Variants in RPP14 observed in about 807,000 individuals in gnomAD.
The protein encoded by RPP14 is ribonuclease P/MRP subunit p14.
In RPP14, 19 loss-of-function variants were observed where a neutral mutation model predicts 17.8. That is an observed-to-expected ratio of 1.07 (90% confidence interval 0.74 to 1.57). The LOEUF (loss-of-function observed/expected upper bound fraction) is 1.57. RPP14 is among the 40% of genes most tolerant of loss of function. RPP14 has a pLI of 0.00. For missense variants in RPP14, 125 were observed against 140.8 expected, an observed-to-expected ratio of 0.89 and a Z score of 0.57; for synonymous variants, 60 against 56.4, an observed-to-expected ratio of 1.06 and a Z score of -0.29.
intron 2 of RPP14, 25 bp from the exon 3 acceptor site, chr3:58,310,481 AC>A: frequency 1.9e-6 from 3 of 1,544,646 alleles, no homozygotes; most frequent in South Asian, 1.2e-5. Flanking sequence ...ATTTAATATG[AC>A]TTTTTTTTTT....
intron 3 of RPP14, among the ~76,000 whole-genome samples, chr3:58,313,900 C>T (rs772891863): frequency 3.3e-5 from 5 of 151,820 alleles, no homozygotes; most frequent in Non-Finnish European, 7.4e-5. Flanking sequence ...ATATAAATGA[C>T]ATTTGGCCTG....
chr3:58,307,861 A>C (rs1249062924), intron 1 of RPP14: 2 of 142,268 alleles, frequency 1.4e-5, no homozygotes, highest in East Asian at 5.8e-4. Context: ...TGTCATTTGT[A>C]AGTCTTTTTT....
At chr3:58,313,116 G>A (rs71311852) in intron 3 of RPP14, among the ~76,000 whole-genome samples, 10,562 of 151,920 alleles carry the variant, frequency 0.07, 474 homozygotes, top group Middle Eastern at 0.088. Context: ...ACAAAAAGCC[G>A]GGCGCAGCGG....
At chr3:58,314,675 ATTTTTTTTTTTTT>A (rs751757663) in intron 3 of RPP14, among the ~76,000 whole-genome samples, 1 of 90,560 alleles carries the variant, frequency 1.1e-5, no homozygotes, top group Non-Finnish European at 1.9e-5. Context: ...GTTTGGCAGT[ATTTTTTTTTTTTT>A]TTTTTTTTTT....
At chr3:58,314,784 A>G (rs1212636741) in intron 3 of RPP14, among the ~76,000 whole-genome samples, 1 of 143,900 alleles carries the variant, frequency 6.9e-6, no homozygotes, top group Non-Finnish European at 1.5e-5. Flanking sequence ...TCCCAGGTTC[A>G]GGCGATTCTC....
intron 1 of RPP14, chr3:58,307,951 A>G (rs948518474): frequency 6.6e-6 from 1 of 151,868 alleles, no homozygotes; most frequent in East Asian, 1.9e-4. Flanking sequence ...CTGTGCAGCC[A>G]TCACCACTGT....
At chr3:58,312,334 A>ACCCCCCCCCCCCCC (rs76719108) in intron 3 of RPP14, among the ~76,000 whole-genome samples, 4 of 69,662 alleles carry the variant, frequency 5.7e-5, no homozygotes, top group Admixed American at 1.7e-4. Context: ...CAACCTCCGC[A>ACCCCCCCCCCCCCC]CCCCCCCCCG....
chr3:58,313,007 T>C (rs1187137230), intron 3 of RPP14, among the ~76,000 whole-genome samples: 1 of 142,212 alleles, frequency 7.0e-6, no homozygotes, highest in Non-Finnish European at 1.5e-5. Flanking sequence ...CTCACGCCTG[T>C]AATCCTAGCA....
intron 3 of RPP14, among the ~76,000 whole-genome samples, chr3:58,314,127 G>C (rs2097485348): frequency 6.6e-6 from 1 of 152,162 alleles, no homozygotes; most frequent in South Asian, 2.1e-4. Context: ...GAGGTGGGTT[G>C]ATTGCCTGAG....
chr3:58,317,301 G>A (rs547962572), intron 5 of RPP14, 139 bp from the exon 6 acceptor site: 12 of 629,134 alleles, frequency 1.9e-5, no homozygotes, highest in South Asian at 6.2e-5. Flanking sequence ...ACTTGTTATC[G>A]AAGGCTTCCT....
rs371177061 is a variant in RPP14, at chr3:58,317,673, T to C, written c.*177T>C. ...GGGGTGGGCTTCGGAGGACAGTCTG[T>C]CTGAACCTGCCAGTGCTGACCCTGC... On this transcript the variant is annotated 3_prime_UTR_variant, in exon 6 of 6. Transcript: ENST00000295959. 12 of 706,350 alleles carry C rather than the reference T, an allele frequency of 1.7e-5. No homozygotes were observed. The African/African-American group carries it at 1.7e-4, about 10-fold the overall frequency. 43.8% of individuals were successfully genotyped at this position (706,350 alleles called of 1,614,324 possible). A position where few individuals can be genotyped will look rare whatever the true frequency, so the allele number is the denominator to read the frequency against.
chr3:58,319,918 A>G lies in RPP14; in HGVS notation c.*2422A>G, dbSNP rs2097492745. On this transcript the variant is annotated 3_prime_UTR_variant, in exon 6 of 6. Transcript: ENST00000295959. The stretch of plus-strand genomic sequence containing the variant: ...TCCACAAAGTTGTACAACCATCACC[A>G]AATCAATTTTTTATAGCATTTTTCA... 1.3e-5 allele frequency: 2 copies of G among 152,154 alleles called. No homozygotes were observed. The highest frequency in any genetic ancestry group is 4.1e-4 in the South Asian group (2 of 4,830). 9.4% of individuals were successfully genotyped at this position (152,154 alleles called of 1,614,324 possible). A position where few individuals can be genotyped will look rare whatever the true frequency, so the allele number is the denominator to read the frequency against.
At chr3:58,314,675 A>ATTTTTTTTTTTTTTTTTTTTTTTTTTTT (rs751757663) in intron 3 of RPP14, among the ~76,000 whole-genome samples, 6 of 90,560 alleles carry the variant, frequency 6.6e-5, no homozygotes, top group South Asian at 4.5e-4. Flanking sequence ...GTTTGGCAGT[A>ATTTTTTTTTTTTTTTTTTTTTTTTTTTT]TTTTTTTTTT....
chr3:58,314,555 A>G (rs13080398), intron 3 of RPP14, among the ~76,000 whole-genome samples: 10,675 of 152,188 alleles, frequency 0.07, 495 homozygotes, highest in South Asian at 0.1. Context: ...ACCTAGCAGA[A>G]TGACTGAAAT....
intron 1 of RPP14, among the ~76,000 whole-genome samples, chr3:58,308,893 T>C (rs902950208): frequency 1.2e-4 from 18 of 152,160 alleles, no homozygotes; most frequent in Non-Finnish European, 2.5e-4. Context: ...GAAGGATGAA[T>C]AGGACCTATC....
At chr3:58,307,017 G>C (rs528455189) in intron 1 of RPP14, among the ~76,000 whole-genome samples, 1 of 152,256 alleles carries the variant, frequency 6.6e-6, no homozygotes, top group Non-Finnish European at 1.5e-5. Context: ...AGCCAGGAAG[G>C]GGGCAAGGGT....
Position 58,320,102 on chromosome 3 carries a change from T to C in RPP14, c.*2606T>C, listed in dbSNP as rs183382661. ...TCCTTTGGAACTGGCTTCTTTGATATAGCATGTTTTCAGGGTTCATCCATG... is the reference window on the plus strand; with the variant it reads ...TCCTTTGGAACTGGCTTCTTTGATACAGCATGTTTTCAGGGTTCATCCATG... On this transcript the variant is annotated 3_prime_UTR_variant, in exon 6 of 6. Transcript: ENST00000295959. 3.9e-5 allele frequency: 6 copies of C among 152,280 alleles called. No individual in the cohort carries two copies. Among genetic ancestry groups the C allele is most frequent in the South Asian group, 2.1e-4 (1 of 4,830 alleles). The allele number at this position is 152,280 out of a possible 1,614,324, so 9.4% of individuals were successfully genotyped here. A position where few individuals can be genotyped will look rare whatever the true frequency, so the allele number is the denominator to read the frequency against.
At chr3:58,307,609 C>T (rs944346013) in intron 1 of RPP14, among the ~76,000 whole-genome samples, 14 of 152,134 alleles carry the variant, frequency 9.2e-5, no homozygotes, top group Admixed American at 7.9e-4. Flanking sequence ...GCCTGTAATC[C>T]CAGCTACTCA....
At chr3:58,310,145 T>C (rs1575543255) in intron 1 of RPP14, 164 bp from the exon 2 acceptor site, 4 of 591,174 alleles carry the variant, frequency 6.8e-6, no homozygotes, top group Non-Finnish European at 1.2e-5. Flanking sequence ...AGGTGGAGGC[T>C]GCAGTGAACT....
Sources: gnomAD v4.1 joint callset for allele counts (sites outside exome capture counted in the v4.1 genomes callset) on GRCh38, gnomAD v4.1.1 for gene constraint, MANE v1.5 for transcripts, NCBI Gene and HGNC (gene_info 2026-07-23, HGNC 2026-07-21) for gene names.